The following NBEA variants were observed in gnomAD, a reference collection of about 807,000 sequenced individuals.
The protein encoded by NBEA is neurobeachin, also known as lysosomal-trafficking regulator 2.
NBEA carries 44 observed loss-of-function variants against 343.4 expected under a neutral mutation model. The observed-to-expected ratio is 0.13, with a 90% CI of 0.10 to 0.16. NBEA has a LOEUF of 0.16. NBEA is among the 10% of genes least tolerant of loss of function. The pLI is 1.00. For synonymous variants in NBEA, 1,175 were observed against 1,238.7 expected, an observed-to-expected ratio of 0.95 and a Z score of 1.08; for missense variants, 2,555 against 3,631.3, an observed-to-expected ratio of 0.70 and a Z score of 7.62.
intron 51 of NBEA, among the ~76,000 whole-genome samples, chr13:35,648,933 G>A (rs1193613670): frequency 3.3e-5 from 5 of 152,064 alleles, no homozygotes; most frequent in Non-Finnish European, 5.9e-5. Context: ...CCAAGGTGAT[G>A]GGTTGATCTG....
At chr13:35,574,228 T>C (rs1238980761) in intron 45 of NBEA, among the ~76,000 whole-genome samples, 1 of 151,220 alleles carries the variant, frequency 6.6e-6, no homozygotes, top group Admixed American at 6.6e-5. Flanking sequence ...GCACTGGTTA[T>C]ATAGATTGCA....
chr13:35,381,865 A>G (rs1329086169), intron 38 of NBEA, among the ~76,000 whole-genome samples: 1 of 152,136 alleles, frequency 6.6e-6, no homozygotes, highest in South Asian at 2.1e-4. Flanking sequence ...ACTGATTATT[A>G]TACCGGTGTT....
intron 12 of NBEA, among the ~76,000 whole-genome samples, chr13:35,109,762 T>C (rs2066094309): frequency 6.6e-6 from 1 of 152,138 alleles, no homozygotes; most frequent in Non-Finnish European, 1.5e-5. Flanking sequence ...GTATTATGAC[T>C]GTAATCATTT....
chr13:35,649,556 G>C lies in NBEA; in HGVS notation c.7771-99G>C. 5 of 990,576 alleles carry C rather than the reference G, an allele frequency of 5.0e-6. No individual in the cohort carries two copies. The Admixed American group carries it at 1.1e-4, about 21-fold the overall frequency. 61.4% of individuals were successfully genotyped at this position (990,576 alleles called of 1,614,324 possible). A position where few individuals can be genotyped will look rare whatever the true frequency, so the allele number is the denominator to read the frequency against. On this transcript the variant is annotated intron_variant, in intron 51 of 58. Coordinates refer to ENST00000379939, the MANE Select transcript of NBEA (RefSeq NM_001385012.1). ...TGGCTTTTCCTCCTTGTGTGTGCTC[G>C]TGCTAGCCTTGTCTGTTTAACCTCA...
intron 39 of NBEA, among the ~76,000 whole-genome samples, chr13:35,434,411 A>G (rs929816434): frequency 2.6e-5 from 4 of 152,278 alleles, no homozygotes; most frequent in African/African-American, 4.8e-5. Context: ...CCCATTATCT[A>G]TCCCTCTTGA....
chr13:35,482,256 C>G (rs2076147541), intron 41 of NBEA, among the ~76,000 whole-genome samples: 1 of 150,602 alleles, frequency 6.6e-6, no homozygotes, highest in African/African-American at 2.4e-5. Context: ...ATATTATGTG[C>G]AGTAAAATAA....
chr13:35,370,123 G>C (rs1222368033), intron 38 of NBEA, among the ~76,000 whole-genome samples: 1 of 151,734 alleles, frequency 6.6e-6, no homozygotes, highest in African/African-American at 2.4e-5. Flanking sequence ...ACTGATGTAG[G>C]GTGTTGAAAT....
At chr13:35,397,953 C>T (rs1358637149) in intron 38 of NBEA, among the ~76,000 whole-genome samples, 1 of 152,064 alleles carries the variant, frequency 6.6e-6, no homozygotes, top group Non-Finnish European at 1.5e-5. Flanking sequence ...TGACTCTTCC[C>T]TTCACAAAAG....
At chr13:35,239,423 A>G (rs966373516) in intron 34 of NBEA, among the ~76,000 whole-genome samples, 1 of 152,136 alleles carries the variant, frequency 6.6e-6, no homozygotes, top group African/African-American at 2.4e-5. Context: ...AATTTGAAAA[A>G]TGGGGCAGTA....
chr13:35,315,007 G>C (rs1341888648), intron 36 of NBEA, among the ~76,000 whole-genome samples: 1 of 152,152 alleles, frequency 6.6e-6, no homozygotes, highest in Non-Finnish European at 1.5e-5. Flanking sequence ...GTATGTTGAT[G>C]CCCATTATGT....
At chr13:35,253,070 T>G (rs2032161640) in intron 34 of NBEA, among the ~76,000 whole-genome samples, 1 of 152,176 alleles carries the variant, frequency 6.6e-6, no homozygotes, top group African/African-American at 2.4e-5. Flanking sequence ...AGACTGCTCT[T>G]CTCAAAGGCT....
At chr13:35,112,257 T>C (rs890575681) in intron 13 of NBEA, among the ~76,000 whole-genome samples, 2 of 152,082 alleles carry the variant, frequency 1.3e-5, no homozygotes, top group African/African-American at 4.8e-5. Flanking sequence ...TATACTCAGA[T>C]CTGTTGTTTT....
At chr13:35,304,104 A>G (rs1209581697) in intron 35 of NBEA, among the ~76,000 whole-genome samples, 2 of 152,214 alleles carry the variant, frequency 1.3e-5, no homozygotes, top group African/African-American at 4.8e-5. Flanking sequence ...CATCAAAATG[A>G]GAAAGTGACA....
At chr13:35,408,082 G>T in intron 38 of NBEA, among the ~76,000 whole-genome samples, 1 of 152,092 alleles carries the variant, frequency 6.6e-6, no homozygotes, top group Non-Finnish European at 1.5e-5. Context: ...AATAAAGCTG[G>T]AGGCATCACA....
At chr13:35,512,797 G>A (rs777746345) in intron 41 of NBEA, among the ~76,000 whole-genome samples, 8 of 152,138 alleles carry the variant, frequency 5.3e-5, no homozygotes, top group South Asian at 2.1e-4. Context: ...ATTAGCTGTC[G>A]TTGATTCAGC....
chr13:35,309,782 C>T (rs1490580157), intron 36 of NBEA, among the ~76,000 whole-genome samples, 190 bp downstream of exon 36: 4 of 151,958 alleles, frequency 2.6e-5, no homozygotes, highest in East Asian at 3.9e-4. Flanking sequence ...AAGAAAAAGC[C>T]GTGCATGAAA....
At chr13:35,583,243 T>C (rs1281303102) in intron 45 of NBEA, among the ~76,000 whole-genome samples, 5 of 152,152 alleles carry the variant, frequency 3.3e-5, no homozygotes, top group African/African-American at 1.2e-4. Flanking sequence ...AGTATAGGGA[T>C]TAGCATCATA....
intron 45 of NBEA, among the ~76,000 whole-genome samples, chr13:35,574,294 T>TA (rs35056179): frequency 0.63 from 85,064 of 134,870 alleles, 26,854 homozygotes; most frequent in East Asian, 0.85. Flanking sequence ...GGATATTCTT[T>TA]AAAAAAAAAA....
chr13:35,163,707 C>T (rs1380146422), intron 23 of NBEA, among the ~76,000 whole-genome samples: 2 of 151,596 alleles, frequency 1.3e-5, no homozygotes, highest in Non-Finnish European at 2.9e-5. Flanking sequence ...TGTATGAGAA[C>T]ACTGTACTAC....
Sources: allele counts gnomAD v4.1 joint callset (sites outside exome capture counted in the v4.1 genomes callset), GRCh38; gene constraint gnomAD v4.1.1; transcripts MANE v1.5; gene names NCBI Gene and HGNC (gene_info 2026-07-23, HGNC 2026-07-21).